Variants in GADL1 observed in about 807,000 individuals in gnomAD.
The protein encoded by GADL1 is acidic amino acid decarboxylase GADL1.
GADL1 carries 71 observed loss-of-function variants against 69.5 expected under a neutral mutation model. The observed-to-expected ratio is 1.02, with a 90% CI of 0.84 to 1.25. The LOEUF is 1.25. Ranked by LOEUF, GADL1 falls within the 50% of genes most tolerant of loss-of-function variation. The probability of loss-of-function intolerance (pLI) is 0.00; values close to 1 mark genes in which losing one functional copy is unlikely to be tolerated. For synonymous variants in GADL1, 254 were observed against 214.4 expected, an observed-to-expected ratio of 1.18 and a Z score of -1.62; for missense variants, 737 against 631.8, an observed-to-expected ratio of 1.17 and a Z score of -1.79.
intron 12 of GADL1, among the ~76,000 whole-genome samples, chr3:30,794,215 C>G (rs760069674): frequency 2.0e-5 from 3 of 152,066 alleles, no homozygotes; most frequent in Non-Finnish European, 4.4e-5. Context: ...TGAGAGATTG[C>G]AGAGATTGTG....
At chr3:30,844,688 A>G (rs1461978139) in intron 6 of GADL1, among the ~76,000 whole-genome samples, 1 of 152,164 alleles carries the variant, frequency 6.6e-6, no homozygotes, top group Non-Finnish European at 1.5e-5. Flanking sequence ...AGTTACAGCT[A>G]TGGAATCTTG....
At chr3:30,781,237 G>A (rs182696896) in intron 13 of GADL1, among the ~76,000 whole-genome samples, 280 of 152,058 alleles carry the variant, frequency 1.8e-3, no homozygotes, top group Non-Finnish European at 3.0e-3. Flanking sequence ...ATTCTATACC[G>A]GTTTTCAAAC....
chr3:30,875,371 T>C (rs1359878027), intron 1 of GADL1, among the ~76,000 whole-genome samples: 1 of 151,874 alleles, frequency 6.6e-6, no homozygotes, highest in Non-Finnish European at 1.5e-5. Context: ...ATCCACAAAA[T>C]ATCCTCATTC....
chr3:30,875,215 A>T (rs191455469), intron 1 of GADL1, among the ~76,000 whole-genome samples: 72 of 147,890 alleles, frequency 4.9e-4, no homozygotes, highest in African/African-American at 1.7e-3. Flanking sequence ...GATATAGAGA[A>T]AAAAAAAAAA....
rs138006766 is a variant in GADL1, at chr3:30,757,353, G to T, written c.1392+20826C>A. 6.3e-3 allele frequency among the ~76,000 whole-genome samples: 951 copies of T among 152,152 alleles called. 6 individuals carry two copies. The highest frequency in any genetic ancestry group is 0.01 in the Non-Finnish European group (706 of 68,004). Reference sequence around the variant, plus strand: ...CAGGAAGGGATTAGTTAGCAAAAGTGGGAAAGTGAATAGATCAGAGGCTAG... The same window carrying T: ...CAGGAAGGGATTAGTTAGCAAAAGTTGGAAAGTGAATAGATCAGAGGCTAG... On this transcript the variant is annotated intron_variant, in intron 14 of 14. Transcript: ENST00000282538.
At chr3:30,789,061 C>T (rs59613104) in intron 12 of GADL1, among the ~76,000 whole-genome samples, 1 of 151,998 alleles carries the variant, frequency 6.6e-6, no homozygotes, top group Non-Finnish European at 1.5e-5. Context: ...AAAGGGTAAA[C>T]CCATAAAATT....
At chr3:30,866,506 T>C (rs2125539098) in intron 1 of GADL1, among the ~76,000 whole-genome samples, 1 of 152,106 alleles carries the variant, frequency 6.6e-6, no homozygotes, top group African/African-American at 2.4e-5. Flanking sequence ...GAAACTTGCA[T>C]GTGATGGTAA....
chr3:30,876,571 A>G (rs894139449), intron 1 of GADL1, among the ~76,000 whole-genome samples: 3 of 151,992 alleles, frequency 2.0e-5, no homozygotes, highest in African/African-American at 7.2e-5. Context: ...AATTGAAAAA[A>G]TAACAGAAAC....
At chr3:30,892,256 T>G (rs1698796560) in intron 1 of GADL1, among the ~76,000 whole-genome samples, 1 of 152,224 alleles carries the variant, frequency 6.6e-6, no homozygotes, top group South Asian at 2.1e-4. Context: ...TATGGTATTC[T>G]TCCGTAATGT....
intron 13 of GADL1, among the ~76,000 whole-genome samples, chr3:30,779,474 TAA>T (rs1455956537): frequency 6.6e-6 from 1 of 152,218 alleles, no homozygotes; most frequent in Non-Finnish European, 1.5e-5. Flanking sequence ...TGAAACACTG[TAA>T]TTCAACTCAA....
At chr3:30,889,176 C>T (rs1698751379) in intron 1 of GADL1, among the ~76,000 whole-genome samples, 1 of 142,528 alleles carries the variant, frequency 7.0e-6, no homozygotes, top group African/African-American at 2.6e-5. Flanking sequence ...TGGCGGGAGG[C>T]AAAGGAAGAC....
At chr3:30,885,751 A>T (rs537304950) in intron 1 of GADL1, among the ~76,000 whole-genome samples, 1 of 151,770 alleles carries the variant, frequency 6.6e-6, no homozygotes, top group Non-Finnish European at 1.5e-5. Context: ...TATTTTATAC[A>T]TTTTTTATAA....
chr3:30,863,051 ACACTCT>A (rs754086392), intron 1 of GADL1, among the ~76,000 whole-genome samples: 1 of 148,896 alleles, frequency 6.7e-6, no homozygotes, highest in Non-Finnish European at 1.5e-5. Flanking sequence ...ACACACACAC[ACACTCT>A]CTCTCACACT....
chr3:30,764,330 C>G (rs1448242770), intron 14 of GADL1, among the ~76,000 whole-genome samples: 2 of 151,684 alleles, frequency 1.3e-5, no homozygotes, highest in Non-Finnish European at 2.9e-5. Flanking sequence ...TGTGTAGACT[C>G]TAAGAGAAAC....
At chr3:30,740,986 A>G (rs866931175) in intron 14 of GADL1, among the ~76,000 whole-genome samples, 1 of 93,514 alleles carries the variant, frequency 1.1e-5, no homozygotes, top group South Asian at 3.7e-4. Flanking sequence ...AATATATATT[A>G]TATATTATAT....
chr3:30,851,617 G>C (rs1698147857), intron 4 of GADL1, among the ~76,000 whole-genome samples: 1 of 151,874 alleles, frequency 6.6e-6, no homozygotes, highest in Non-Finnish European at 1.5e-5. Flanking sequence ...CTCCTCCAGG[G>C]TCACACCCAT....
intron 11 of GADL1, among the ~76,000 whole-genome samples, chr3:30,821,075 CA>C (rs1697570157): frequency 6.6e-6 from 1 of 151,996 alleles, no homozygotes; most frequent in Admixed American, 6.6e-5. Flanking sequence ...ATCGTAAAGA[CA>C]AAAAACCAAA....
intron 1 of GADL1, among the ~76,000 whole-genome samples, chr3:30,874,493 T>C (rs1208937340): frequency 6.6e-6 from 1 of 151,854 alleles, no homozygotes; most frequent in Non-Finnish European, 1.5e-5. Context: ...ATGTGTAAGA[T>C]TTTGGGATCT....
intron 14 of GADL1, among the ~76,000 whole-genome samples, chr3:30,759,652 A>G (rs1199287318): frequency 1.3e-5 from 2 of 152,016 alleles, no homozygotes; most frequent in Non-Finnish European, 2.9e-5. Flanking sequence ...GTTTTTTAAA[A>G]GTGACCATCT....
Sources: allele counts gnomAD v4.1 joint callset (sites outside exome capture counted in the v4.1 genomes callset), GRCh38; gene constraint gnomAD v4.1.1; transcripts MANE v1.5; gene names NCBI Gene and HGNC (gene_info 2026-07-23, HGNC 2026-07-21).